Variants in INPP5A observed in about 807,000 individuals in gnomAD.
INPP5A encodes the protein 43 kDa inositol polyphosphate 5-phophatase.
A neutral mutation model predicts 65.2 loss-of-function variants in INPP5A; 14 were observed. That is an observed-to-expected ratio of 0.21 (90% confidence interval 0.14 to 0.34). INPP5A has a LOEUF of 0.34. INPP5A is among the 10% of genes least tolerant of loss of function. The probability of loss-of-function intolerance (pLI) is 1.00; values close to 1 mark genes in which losing one functional copy is unlikely to be tolerated. For missense variants in INPP5A, 431 were observed against 545.6 expected (o/e 0.79, Z 2.09); for synonymous variants, 207 against 208.3 (o/e 0.99, Z 0.05).
chr10:132,575,919 G>A lies in INPP5A; in HGVS notation c.76-31996G>A, dbSNP rs2071407720. On this transcript the variant is annotated intron_variant, in intron 1 of 15. Coordinates refer to ENST00000368594, the MANE Select transcript of INPP5A (RefSeq NM_005539.5). The surrounding 1 kb of genome is among the most constrained non-coding windows in gnomAD (Gnocchi z 5.4). ...ATGCCACTGACATCGCGGCTCTTGT[G>A]GACTGTGGAGCTGGTGGCTCCCCTC... Among the ~76,000 whole-genome samples the A allele has an allele frequency of 6.6e-6, 1 of 152,128 alleles. No homozygotes were observed. The highest frequency in any genetic ancestry group is 6.5e-5 in the Admixed American group (1 of 15,278).
intron 6 of INPP5A, among the ~76,000 whole-genome samples, chr10:132,699,272 T>C (rs562704417): frequency 6.6e-5 from 10 of 150,848 alleles, no homozygotes; most frequent in African/African-American, 2.4e-4. Context: ...CGAGCTGAAC[T>C]CTGGCCTCTC....
intron 1 of INPP5A, among the ~76,000 whole-genome samples, chr10:132,541,989 T>A (rs1204504145): frequency 6.6e-6 from 1 of 152,246 alleles, no homozygotes; most frequent in African/African-American, 2.4e-5. Flanking sequence ...CATATTTAAT[T>A]GTTTTGCTTT....
intron 12 of INPP5A, among the ~76,000 whole-genome samples, chr10:132,775,380 A>C (rs1847046892): frequency 6.6e-6 from 1 of 151,628 alleles, no homozygotes; most frequent in African/African-American, 2.4e-5. Flanking sequence ...CATGCCTGGC[A>C]CTCCCACGTC....
intron 6 of INPP5A, among the ~76,000 whole-genome samples, chr10:132,701,891 C>T (rs1845443561): frequency 6.6e-6 from 1 of 152,244 alleles, no homozygotes; most frequent in Non-Finnish European, 1.5e-5. Flanking sequence ...TGGAGGTCTT[C>T]AGGCCCCAGT....
intron 6 of INPP5A, among the ~76,000 whole-genome samples, chr10:132,700,008 G>T (rs548842316): frequency 6.6e-6 from 1 of 152,270 alleles, no homozygotes; most frequent in South Asian, 2.1e-4. Flanking sequence ...GTACTCTGAG[G>T]CCTCTGTGAT....
At chr10:132,667,423 T>G (rs2072820212) in intron 4 of INPP5A, among the ~76,000 whole-genome samples, 1 of 152,190 alleles carries the variant, frequency 6.6e-6, no homozygotes, top group Admixed American at 6.5e-5. Flanking sequence ...ATCACAATAA[T>G]TGAGTTTGTA....
chr10:132,576,025 C>T (rs1340825654), intron 1 of INPP5A, among the ~76,000 whole-genome samples: 2 of 152,194 alleles, frequency 1.3e-5, no homozygotes, highest in African/African-American at 4.8e-5. Context: ...ACAGATGCCA[C>T]CTGACCTGCA....
At chr10:132,775,481 G>A (rs1417793395) in intron 12 of INPP5A, among the ~76,000 whole-genome samples, 1 of 152,140 alleles carries the variant, frequency 6.6e-6, no homozygotes, top group Non-Finnish European at 1.5e-5. Flanking sequence ...CAGCGGTTGT[G>A]TGCAGTCCAC....
In INPP5A at chr10:132,674,614, C is replaced by G. The variant is rs2072938891; in HGVS notation, c.307-15778C>G. On this transcript the variant is annotated intron_variant, in intron 4 of 15. Coordinates refer to ENST00000368594, the MANE Select transcript of INPP5A (RefSeq NM_005539.5). The surrounding 1 kb of genome is among the most constrained non-coding windows in gnomAD (Gnocchi z 4.4). ...GCATTTGAGCCACGTCGTCATGTAA[C>G]TTACTTGTGCCTTCAGGACTTAATC... Among the ~76,000 whole-genome samples, 1 of 152,172 alleles carries G rather than the reference C, an allele frequency of 6.6e-6. No homozygotes were observed. The highest frequency in any genetic ancestry group is 2.4e-5 in the African/African-American group (1 of 41,436).
At chr10:132,766,004 T>C (rs1314821224) in intron 12 of INPP5A, among the ~76,000 whole-genome samples, 158 bp downstream of exon 12, 1 of 152,236 alleles carries the variant, frequency 6.6e-6, no homozygotes, top group Non-Finnish European at 1.5e-5. Flanking sequence ...CATACCTGTG[T>C]GTACACGTGT....
Position 132,781,811 on chromosome 10 carries a change from G to A in INPP5A, c.1159-50G>A, listed in dbSNP as rs746154532. On this transcript the variant is annotated intron_variant, in intron 14 of 15. Coordinates refer to ENST00000368594, the MANE Select transcript of INPP5A (RefSeq NM_005539.5). Reference sequence around the variant, plus strand: ...GCAACGGGAGGCGGCGGCATGTGCTGTGCTGTCCCGCGTGCGCCGTGCTGA... The same window carrying A: ...GCAACGGGAGGCGGCGGCATGTGCTATGCTGTCCCGCGTGCGCCGTGCTGA... The A allele has an allele frequency of 3.4e-6, 5 of 1,470,968 alleles. No individual in the cohort carries two copies. The South Asian group carries it at 5.7e-5, about 17-fold the overall frequency. 91.1% of individuals were successfully genotyped at this position (1,470,968 alleles called of 1,614,324 possible).
chr10:132,660,586 G>T (rs2133415471), intron 4 of INPP5A, among the ~76,000 whole-genome samples: 1 of 152,330 alleles, frequency 6.6e-6, no homozygotes, highest in South Asian at 2.1e-4. Flanking sequence ...TCAGCAACAG[G>T]TGGGAGTGGC....
At chr10:132,599,966 G>A (rs945161074) in intron 1 of INPP5A, among the ~76,000 whole-genome samples, 2 of 152,204 alleles carry the variant, frequency 1.3e-5, no homozygotes, top group Admixed American at 6.5e-5. Context: ...GGGACCCTGG[G>A]CCTGGCCCAT....
intron 2 of INPP5A, among the ~76,000 whole-genome samples, chr10:132,625,034 G>T (rs531743953): frequency 5.3e-5 from 8 of 151,954 alleles, no homozygotes; most frequent in Non-Finnish European, 8.8e-5. Flanking sequence ...TCCTTGGTTG[G>T]TTGCAGGGCC....
At chr10:132,760,206 C>T (rs1487000095) in intron 11 of INPP5A, among the ~76,000 whole-genome samples, 3 of 152,250 alleles carry the variant, frequency 2.0e-5, no homozygotes, top group African/African-American at 4.8e-5. Flanking sequence ...CAGCCCCAGG[C>T]CCTCAAAGGC....
At chr10:132,708,217 TGGAAAG>T in intron 6 of INPP5A, 90 bp from the exon 7 acceptor site, 2 of 1,100,378 alleles carry the variant, frequency 1.8e-6, no homozygotes, top group Admixed American at 1.9e-5. Context: ...GTTTTTTGTT[TGGAAAG>T]CATCTCCTGT....
In INPP5A at chr10:132,667,590, C is replaced by T. The variant is rs944738615; in HGVS notation, c.306+17085C>T. On this transcript the variant is annotated intron_variant, in intron 4 of 15. Coordinates refer to ENST00000368594, the MANE Select transcript of INPP5A (RefSeq NM_005539.5). Reference sequence around the variant, plus strand: ...AGACAGCTTCCTGTCACCCCGGACACGATGTAATTTCTCCTCAATCCCTTG... The same window carrying T: ...AGACAGCTTCCTGTCACCCCGGACATGATGTAATTTCTCCTCAATCCCTTG... Among the ~76,000 whole-genome samples the T allele has an allele frequency of 2.0e-5, 3 of 152,220 alleles. No homozygotes were observed. In the East Asian group the frequency reaches 5.8e-4, roughly 29 times the overall value.
At position 132,627,653 on chromosome 10, in the gene INPP5A, C is replaced by T. The variant is rs1312218649; in HGVS notation, c.118-18215C>T. 6.6e-6 allele frequency among the ~76,000 whole-genome samples: 1 copy of T among 152,166 alleles called. No homozygotes were observed. Among genetic ancestry groups the T allele is most frequent in the Non-Finnish European group, 1.5e-5 (1 of 68,026 alleles). On this transcript the variant is annotated intron_variant, in intron 2 of 15. Transcript: ENST00000368594. This position sits in a 1 kb window ranked among gnomAD's most constrained non-coding sequence, Gnocchi z 6.6. ...CTTCCAGGAATCGTGGTGAAAGCAG[C>T]GAGCACAGTGTGGTCCGGGGCTGGG...
Position 132,571,007 on chromosome 10 carries a change from G to T in INPP5A, c.75+32836G>T, listed in dbSNP as rs565564466. On this transcript the variant is annotated intron_variant, in intron 1 of 15. Coordinates refer to ENST00000368594, the MANE Select transcript of INPP5A (RefSeq NM_005539.5). ...AACGAGGCACTCCCTCCCCACCACAGCCTACTCCCGTGGGTTCGGGGCGTT... is the reference window on the plus strand; with the variant it reads ...AACGAGGCACTCCCTCCCCACCACATCCTACTCCCGTGGGTTCGGGGCGTT... Among the ~76,000 whole-genome samples, 17 of 152,290 alleles carry T rather than the reference G, an allele frequency of 1.1e-4. No homozygotes were observed. The East Asian group carries it at 3.3e-3, about 29-fold the overall frequency.
Sources: gnomAD v4.1 joint callset for allele counts (sites outside exome capture counted in the v4.1 genomes callset) on GRCh38, gnomAD v4.1.1 for gene constraint, Gnocchi (gnomAD v3.1) non-coding constraint, MANE v1.5 for transcripts, NCBI Gene and HGNC (gene_info 2026-07-23, HGNC 2026-07-21) for gene names.